The following SSR1 variants were observed in gnomAD, a reference collection of about 807,000 sequenced individuals.
SSR1 encodes the protein translocon-associated protein subunit alpha.
Under a neutral mutation model 36.1 loss-of-function variants are expected in SSR1, and 13 were observed. The ratio of observed to expected loss-of-function variants is 0.36; its 90% CI spans 0.23 to 0.57. SSR1 has a LOEUF of 0.57. SSR1 is among the 20% of genes least tolerant of loss of function. The pLI is 0.81. For synonymous variants in SSR1, 113 were observed against 118.9 expected (o/e 0.95, Z 0.32); for missense variants, 291 against 338.5 (o/e 0.86, Z 1.10).
chr6:7,307,254 C>T (rs992473918), intron 2 of SSR1, among the ~76,000 whole-genome samples: 1 of 152,226 alleles, frequency 6.6e-6, no homozygotes, highest in Non-Finnish European at 1.5e-5. Flanking sequence ...AGTCTACACA[C>T]AAGCCTACCC....
chr6:7,312,871 C>G (rs1045228988), intron 1 of SSR1, among the ~76,000 whole-genome samples, 171 bp downstream of exon 1: 3 of 152,226 alleles, frequency 2.0e-5, no homozygotes, highest in Admixed American at 1.3e-4. Context: ...GTCTCCAGCG[C>G]CCGCGGGGAC....
At chr6:7,312,376 G>A (rs989030181) in intron 1 of SSR1, among the ~76,000 whole-genome samples, 1 of 152,156 alleles carries the variant, frequency 6.6e-6, no homozygotes, top group Admixed American at 6.5e-5. Flanking sequence ...AAGGCAGAAG[G>A]GAGACATCCC....
rs1449886453 is a variant in SSR1 at position 7,309,862 on chromosome 6, C to T, written c.192+55G>A. 6.0e-6 allele frequency: 8 copies of T among 1,343,754 alleles called. No homozygotes were observed. In the South Asian group the frequency reaches 9.3e-5, roughly 16 times the overall value. 83.2% of individuals were successfully genotyped at this position (1,343,754 alleles called of 1,614,324 possible). A position where few individuals can be genotyped will look rare whatever the true frequency, so the allele number is the denominator to read the frequency against. ...TATGTCTTTATTAGCAGCATGAGAACAGATGAATACAATTACATACATTTT... is the reference window on the plus strand; with the variant it reads ...TATGTCTTTATTAGCAGCATGAGAATAGATGAATACAATTACATACATTTT... On this transcript the variant is annotated intron_variant, in intron 2 of 7. Transcript: ENST00000244763.
Position 7,286,740 on chromosome 6 carries a change from G to GT in SSR1, c.*3123dup, listed in dbSNP as rs1476827852. 2 of 151,900 alleles carry GT rather than the reference G, an allele frequency of 1.3e-5. No individual in the cohort carries two copies. The highest frequency in any genetic ancestry group is 1.3e-4 in the Admixed American group (2 of 15,234). 9.4% of individuals were successfully genotyped at this position (151,900 alleles called of 1,614,324 possible). ...CAGCCTGGCCAAATGACGAAACCCC[G>GT]TCTCTACTAAAAATGCAAAAATTAG... On this transcript the variant is annotated 3_prime_UTR_variant, in exon 8 of 8. Coordinates refer to ENST00000244763, the MANE Select transcript of SSR1 (RefSeq NM_003144.5).
intron 2 of SSR1, 115 bp from the exon 3 acceptor site, chr6:7,303,752 G>A (rs1042489323): frequency 4.0e-5 from 27 of 678,290 alleles, no homozygotes; most frequent in African/African-American, 9.1e-5. Context: ...GCACTTGGCC[G>A]AGGCAGGCAG....
At chr6:7,293,599 A>AGAT (rs1757730822) in intron 7 of SSR1, among the ~76,000 whole-genome samples, 1 of 152,048 alleles carries the variant, frequency 6.6e-6, no homozygotes, top group African/African-American at 2.4e-5. Context: ...TTCTTTGTAG[A>AGAT]GATGGGGTCT....
chr6:7,301,682 C>A, intron 3 of SSR1, 110 bp from the exon 4 acceptor site: 1 of 1,187,806 alleles, frequency 8.4e-7, no homozygotes. Flanking sequence ...ACTTTGGTGT[C>A]AGAATCCCTT....
chr6:7,303,328 A>G (rs1407582092), intron 3 of SSR1, among the ~76,000 whole-genome samples: 1 of 152,094 alleles, frequency 6.6e-6, no homozygotes, highest in Non-Finnish European at 1.5e-5. Context: ...CCCTGTCTCA[A>G]AAACAAAATC....
At chr6:7,298,981 A>G in intron 4 of SSR1, 158 bp from the exon 5 acceptor site, 1 of 613,302 alleles carries the variant, frequency 1.6e-6, no homozygotes, top group Non-Finnish European at 2.9e-6. Flanking sequence ...ATTCTGTGGC[A>G]GGGACTCAAC....
intron 7 of SSR1, among the ~76,000 whole-genome samples, chr6:7,292,480 C>A (rs917191538): frequency 6.6e-6 from 1 of 152,234 alleles, no homozygotes; most frequent in African/African-American, 2.4e-5. Flanking sequence ...ACTGAAATCG[C>A]GGAACTGGTA....
chr6:7,303,509 A>C, intron 3 of SSR1, 41 bp downstream of exon 3: 1 of 1,434,602 alleles, frequency 7.0e-7, no homozygotes. Context: ...CATCGTTTTA[A>C]AATGCCTACA....
At chr6:7,308,032 T>C (rs1475954078) in intron 2 of SSR1, among the ~76,000 whole-genome samples, 1 of 152,236 alleles carries the variant, frequency 6.6e-6, no homozygotes, top group Non-Finnish European at 1.5e-5. Flanking sequence ...CCACAACTAG[T>C]CAAATATTTA....
chr6:7,293,073 T>A (rs1221730572), intron 7 of SSR1, among the ~76,000 whole-genome samples: 2 of 151,706 alleles, frequency 1.3e-5, no homozygotes, highest in Admixed American at 1.3e-4. Flanking sequence ...CCCACCCAAA[T>A]CCAGGCATAC....
At position 7,281,227 on chromosome 6, in the gene SSR1, T is replaced by C. The variant is rs1016127878; in HGVS notation, c.*8637A>G. The C allele has an allele frequency of 3.3e-5, 5 of 150,222 alleles. No homozygotes were observed. The highest frequency in any genetic ancestry group is 7.4e-5 in the Non-Finnish European group (5 of 67,314). The allele number at this position is 150,222 out of a possible 1,614,324, so 9.3% of individuals were successfully genotyped here. On this transcript the variant is annotated 3_prime_UTR_variant, in exon 8 of 8. Coordinates refer to ENST00000244763, the MANE Select transcript of SSR1 (RefSeq NM_003144.5). ...ACAGCAGACTAGTTCAAGCAGGAGG[T>C]TAGACCAGTAACAACAACCAAGAAA...
chr6:7,299,515 A>G (rs1017192663), intron 4 of SSR1, among the ~76,000 whole-genome samples: 3 of 152,152 alleles, frequency 2.0e-5, no homozygotes, highest in African/African-American at 7.2e-5. Flanking sequence ...CCTGGCCAAC[A>G]TGGAGAAACC....
chr6:7,301,637 G>T, intron 3 of SSR1, 65 bp from the exon 4 acceptor site: 1 of 1,495,618 alleles, frequency 6.7e-7, no homozygotes, highest in Non-Finnish European at 9.0e-7. Context: ...ATTTAAAAAG[G>T]CATTACTAAT....
At chr6:7,312,510 G>A (rs1476513169) in intron 1 of SSR1, among the ~76,000 whole-genome samples, 1 of 152,186 alleles carries the variant, frequency 6.6e-6, no homozygotes, top group Non-Finnish European at 1.5e-5. Flanking sequence ...CAAGGCAGAT[G>A]ACCATTGAAC....
At chr6:7,298,352 G>C (rs1757848685) in intron 5 of SSR1, among the ~76,000 whole-genome samples, 1 of 152,112 alleles carries the variant, frequency 6.6e-6, no homozygotes, top group Non-Finnish European at 1.5e-5. Context: ...TATAAGTTTA[G>C]AGTAAAAAAA....
intron 1 of SSR1, among the ~76,000 whole-genome samples, chr6:7,312,662 G>A (rs1758230270): frequency 6.6e-6 from 1 of 152,242 alleles, no homozygotes; most frequent in Non-Finnish European, 1.5e-5. Context: ...GTGGCCAAAA[G>A]AAACAGCCCG....
Sources: allele counts gnomAD v4.1 joint callset (sites outside exome capture counted in the v4.1 genomes callset), GRCh38; gene constraint gnomAD v4.1.1; transcripts MANE v1.5; gene names NCBI Gene and HGNC (gene_info 2026-07-23, HGNC 2026-07-21).